ITFG1: variants seen among roughly 807,000 people sequenced by gnomAD.
ITFG1 encodes T-cell immunomodulatory protein.
Under a neutral mutation model 81.8 loss-of-function variants are expected in ITFG1, and 34 were observed. The observed-to-expected ratio is 0.42, with a 90% CI of 0.32 to 0.55. ITFG1 has a LOEUF of 0.55. ITFG1 is among the 20% of genes least tolerant of loss of function. The probability of loss-of-function intolerance (pLI) is 0.17; values close to 1 mark genes in which losing one functional copy is unlikely to be tolerated. For synonymous variants in ITFG1, 285 were observed against 270.6 expected (o/e 1.05, Z -0.52); for missense variants, 672 against 755.4 (o/e 0.89, Z 1.29).
intron 10 of ITFG1, 85 bp from the exon 11 acceptor site, chr16:47,260,780 G>A: frequency 7.4e-7 from 1 of 1,357,540 alleles, no homozygotes; most frequent in Non-Finnish European, 1.0e-6. Flanking sequence ...ATTAAAAGGA[G>A]ACGGTAAACG....
intron 14 of ITFG1, among the ~76,000 whole-genome samples, chr16:47,183,874 A>G (rs1457388713): frequency 2.0e-5 from 3 of 152,192 alleles, no homozygotes; most frequent in Non-Finnish European, 4.4e-5. Flanking sequence ...AAGGCAAAGA[A>G]GTTGAAAACT....
intron 12 of ITFG1, among the ~76,000 whole-genome samples, chr16:47,238,593 A>G (rs2151534235): frequency 6.6e-6 from 1 of 152,328 alleles, no homozygotes; most frequent in East Asian, 1.9e-4. Context: ...CTTTATCTAA[A>G]TAATATGAGT....
intron 10 of ITFG1, among the ~76,000 whole-genome samples, chr16:47,301,439 C>T (rs1967074929): frequency 6.6e-6 from 1 of 151,344 alleles, no homozygotes; most frequent in Non-Finnish European, 1.5e-5. Context: ...GCACTGTCGC[C>T]CAGGCTGGAG....
intron 7 of ITFG1, among the ~76,000 whole-genome samples, chr16:47,368,008 C>T (rs1163143826): frequency 2.6e-5 from 4 of 151,936 alleles, no homozygotes; most frequent in African/African-American, 7.3e-5. Context: ...GAGGTCGAGG[C>T]GGGCGGATCA....
chr16:47,165,887 G>C (rs1964882526), intron 14 of ITFG1, among the ~76,000 whole-genome samples: 1 of 152,042 alleles, frequency 6.6e-6, no homozygotes, highest in Non-Finnish European at 1.5e-5. Flanking sequence ...AACACAAGCT[G>C]ATTTCATGAC....
intron 10 of ITFG1, chr16:47,263,100 C>A: frequency 4.1e-6 from 1 of 244,214 alleles, no homozygotes; most frequent in South Asian, 6.8e-5. Context: ...GAATGCATCC[C>A]TGTAACAGCT....
chr16:47,254,925 A>T (rs1342025676), intron 12 of ITFG1, among the ~76,000 whole-genome samples: 5 of 152,208 alleles, frequency 3.3e-5, no homozygotes, highest in African/African-American at 1.2e-4. Flanking sequence ...GTCTCTACTA[A>T]AAATACAAAA....
chr16:47,377,315 T>C (rs1002364330), intron 6 of ITFG1, among the ~76,000 whole-genome samples: 7 of 152,158 alleles, frequency 4.6e-5, no homozygotes, highest in Non-Finnish European at 8.8e-5. Context: ...GATATGCAAA[T>C]GTAGTCCTCT....
At chr16:47,382,945 T>C (rs929185070) in intron 6 of ITFG1, among the ~76,000 whole-genome samples, 1 of 152,214 alleles carries the variant, frequency 6.6e-6, no homozygotes, top group African/African-American at 2.4e-5. Context: ...TCAAGACAAT[T>C]GTGGTAAGTT....
chr16:47,308,194 C>T (rs532494447), intron 10 of ITFG1, among the ~76,000 whole-genome samples: 1 of 152,272 alleles, frequency 6.6e-6, no homozygotes, highest in East Asian at 1.9e-4. Context: ...AATGGCAGTT[C>T]TAAGTTCTTG....
In ITFG1 at chr16:47,162,626, G is replaced by C. The variant is rs1207010339; in HGVS notation, c.1492C>G (p.Leu498Val). 2 of 1,611,084 alleles carry C rather than the reference G, an allele frequency of 1.2e-6. No homozygotes were observed. The highest frequency in any genetic ancestry group is 1.7e-6 in the Non-Finnish European group (2 of 1,178,384). ...CCTAAACCAAGCACGTTGTATGGTA[G>C]TTGGAGAGCTAAATGTGCGGATTGG... ...LSQSAHLALQ[L>V]PYNVLGLGRS... Residue 498 changes from leucine to valine, a missense_variant, in exon 15 of 18, where the codon CTA becomes GTA. Around this residue, in one of 3 missense-constraint regions of ITFG1, gnomAD observed 560 missense variants for 625.7 expected, o/e 0.90. Transcript: ENST00000320640.
intron 10 of ITFG1, among the ~76,000 whole-genome samples, chr16:47,292,321 T>C (rs1966917812): frequency 1.3e-5 from 2 of 152,340 alleles, no homozygotes; most frequent in Admixed American, 6.5e-5. Flanking sequence ...CTTTCCTTGC[T>C]TTTTAATGTG....
At chr16:47,386,120 T>C (rs1321975264) in intron 6 of ITFG1, among the ~76,000 whole-genome samples, 2 of 152,152 alleles carry the variant, frequency 1.3e-5, no homozygotes, top group Non-Finnish European at 2.9e-5. Context: ...CCTTCTGGAA[T>C]GACAGTGTGA....
chr16:47,418,864 T>C (rs990625904), intron 6 of ITFG1, among the ~76,000 whole-genome samples: 2 of 152,242 alleles, frequency 1.3e-5, no homozygotes, highest in African/African-American at 4.8e-5. Context: ...AGTATTGTTA[T>C]GACTACTCAG....
intron 8 of ITFG1, among the ~76,000 whole-genome samples, chr16:47,318,731 A>G (rs1025767355): frequency 3.9e-5 from 6 of 152,190 alleles, no homozygotes; most frequent in Non-Finnish European, 8.8e-5. Context: ...GTAAACACAA[A>G]TAACAATTTC....
At chr16:47,434,719 T>A (rs1368147216) in intron 5 of ITFG1, among the ~76,000 whole-genome samples, 1 of 151,976 alleles carries the variant, frequency 6.6e-6, no homozygotes, top group African/African-American at 2.4e-5. Flanking sequence ...AAAGCACACA[T>A]ATGTTCCTTG....
intron 6 of ITFG1, among the ~76,000 whole-genome samples, chr16:47,382,797 GA>G (rs1252348519): frequency 2.0e-5 from 3 of 152,176 alleles, no homozygotes; most frequent in Admixed American, 6.5e-5. Context: ...CACTGAAATG[GA>G]ATGTCTAAGG....
intron 8 of ITFG1, among the ~76,000 whole-genome samples, chr16:47,314,886 A>G (rs1227909564): frequency 6.6e-6 from 1 of 152,180 alleles, no homozygotes; most frequent in African/African-American, 2.4e-5. Flanking sequence ...TATTTAGTGA[A>G]GCATACTTAC....
At chr16:47,274,853 A>G (rs1966381058) in intron 10 of ITFG1, among the ~76,000 whole-genome samples, 1 of 152,186 alleles carries the variant, frequency 6.6e-6, no homozygotes, top group Non-Finnish European at 1.5e-5. Flanking sequence ...AATCTGAGTA[A>G]GTCTGCTTAA....
Sources: gnomAD v4.1 joint callset for allele counts (sites outside exome capture counted in the v4.1 genomes callset) on GRCh38, gnomAD v4.1.1 for gene constraint, gnomAD v4.1.1 regional missense constraint, MANE v1.5 for transcripts, NCBI Gene and HGNC (gene_info 2026-07-23, HGNC 2026-07-21) for gene names.